The following ZNF516 variants were observed in gnomAD, a reference collection of about 807,000 sequenced individuals.
The protein encoded by ZNF516 is zinc finger protein 516.
In ZNF516, 19 loss-of-function variants were observed where a neutral mutation model predicts 79.7. The ratio of observed to expected loss-of-function variants is 0.24; its 90% CI spans 0.17 to 0.35. The LOEUF (loss-of-function observed/expected upper bound fraction) is 0.35. ZNF516 is among the 10% of genes least tolerant of loss of function. The pLI is 1.00. For missense variants in ZNF516, 1,678 were observed against 1,679.5 expected, an observed-to-expected ratio of 1.00 and a Z score of 0.02; for synonymous variants, 877 against 739.5, an observed-to-expected ratio of 1.19 and a Z score of -3.02.
chr18:76,492,119 G>A (rs1296090559), intron 1 of ZNF516: 1 of 976,412 alleles, frequency 1.0e-6, no homozygotes, highest in African/African-American at 1.8e-5. Context: ...CGGGGAGGTA[G>A]TGGGCACGTG....
rs1194981103 is a variant in ZNF516 at position 76,402,034 on chromosome 18, TGTGCAC to T, written c.1811-21737_1811-21732del. 2.0e-5 allele frequency among the ~76,000 whole-genome samples: 3 copies of T among 152,036 alleles called. No homozygotes were observed. The East Asian group carries it at 5.9e-4, about 30-fold the overall frequency. ...GTTTGTGTGTACACGTGCGCGCATG[TGTGCAC>T]GTGAACGTGACCAGTGGTCTCTGCA... is the stretch of plus-strand genomic sequence containing the variant. On this transcript the variant is annotated intron_variant, in intron 3 of 6. Transcript: ENST00000443185.
chr18:76,435,793 C>G (rs998667643), intron 3 of ZNF516, among the ~76,000 whole-genome samples: 2 of 152,254 alleles, frequency 1.3e-5, no homozygotes, highest in Non-Finnish European at 2.9e-5. Flanking sequence ...CGTGCCAGCT[C>G]TTCCAAAGCC....
At chr18:76,429,130 G>A (rs1040549175) in intron 3 of ZNF516, among the ~76,000 whole-genome samples, 1 of 152,218 alleles carries the variant, frequency 6.6e-6, no homozygotes, top group African/African-American at 2.4e-5. Context: ...CAAGAAGATG[G>A]GTCTGGGGTC....
At chr18:76,401,962 C>A (rs1023909191) in intron 3 of ZNF516, among the ~76,000 whole-genome samples, 2 of 152,220 alleles carry the variant, frequency 1.3e-5, no homozygotes, top group African/African-American at 4.8e-5. Flanking sequence ...AATGACTGCA[C>A]ATGCATGTGC....
rs1423295079 is a variant in ZNF516, at chr18:76,467,662, G to A, written c.-271-4521C>T. 6.6e-6 allele frequency among the ~76,000 whole-genome samples: 1 copy of A among 152,198 alleles called. No homozygotes were observed. The highest frequency in any genetic ancestry group is 1.5e-5 in the Non-Finnish European group (1 of 68,034). On this transcript the variant is annotated intron_variant, in intron 1 of 6. Coordinates refer to ENST00000443185, the MANE Select transcript of ZNF516 (RefSeq NM_014643.4). The surrounding 1 kb of genome is among the most constrained non-coding windows in gnomAD (Gnocchi z 4.2). ...GATCTTGAGAAAGACAACAGCCCCA[G>A]CCCACTCAAAGGCTACACCTCAAAA...
In ZNF516 at chr18:76,379,481, C is replaced by G; in HGVS notation, c.2633G>C (p.Trp878Ser). 1 of 1,613,662 alleles carries G rather than the reference C, an allele frequency of 6.2e-7. No individual in the cohort carries two copies. Among genetic ancestry groups the G allele is most frequent in the South Asian group, 1.1e-5 (1 of 91,080 alleles). The change falls in exon 4 of 7, where the codon TGG becomes TCG. Residue 878 changes from tryptophan (W) to serine (S), a missense_variant. Around this residue, in one of 5 missense-constraint regions of ZNF516, gnomAD observed 1,294 missense variants for 1,248.3 expected, o/e 1.04. Coordinates refer to ENST00000443185, the MANE Select transcript of ZNF516 (RefSeq NM_014643.4). ...ESHSGGPCAL[W>S]APGPDGYRQT... ...TCGATACCCGTCAGGGCCGGGCGCC[C>G]ACAGAGCGCAGGGACCTCCGGAATG...
Position 76,391,654 on chromosome 18 carries a change from G to A in ZNF516, c.1811-11351C>T, listed in dbSNP as rs73978105. On this transcript the variant is annotated intron_variant, in intron 3 of 6. Transcript: ENST00000443185. ...GACTAGGACAGGGGTCCCCAAACAT[G>A]ATGTACTGGCATCCTGGTAGCCTGG... Among the ~76,000 whole-genome samples, 10 of 152,256 alleles carry A rather than the reference G, an allele frequency of 6.6e-5. No individual in the cohort carries two copies. In the East Asian group the frequency reaches 1.7e-3, roughly 26 times the overall value.
In ZNF516 at chr18:76,493,539, T is replaced by C. The variant is rs1294256433; in HGVS notation, c.-272+1605A>G. The C allele has an allele frequency of 6.6e-6, 1 of 152,048 alleles. No homozygotes were observed. Among genetic ancestry groups the C allele is most frequent in the African/African-American group, 2.4e-5 (1 of 41,428 alleles). 9.4% of individuals were successfully genotyped at this position (152,048 alleles called of 1,614,324 possible). ...GTGTTTCCTTAAGAAAGAACTGACC[T>C]ATTTTTGGCTGGAGATAAACGATCA... On this transcript the variant is annotated intron_variant, in intron 1 of 6. Coordinates refer to ENST00000443185, the MANE Select transcript of ZNF516 (RefSeq NM_014643.4). The surrounding 1 kb of genome is among the most constrained non-coding windows in gnomAD (Gnocchi z 5.2).
chr18:76,467,829 AAC>A lies in ZNF516; in HGVS notation c.-271-4690_-271-4689del, dbSNP rs564857842. On this transcript the variant is annotated intron_variant, in intron 1 of 6. Transcript: ENST00000443185. The surrounding 1 kb of genome is among the most constrained non-coding windows in gnomAD (Gnocchi z 4.2). The stretch of plus-strand genomic sequence containing the variant: ...ATAAATTCAAGTCCAGTTATCGAAT[AAC>A]TACATGCATCCCATCCCGCTCAGGG... Among the ~76,000 whole-genome samples the A allele has an allele frequency of 1.0e-3, 158 of 152,358 alleles. No individual in the cohort carries two copies. Among genetic ancestry groups the A allele is most frequent in the Non-Finnish European group, 1.9e-3 (127 of 68,024 alleles).
intron 1 of ZNF516, among the ~76,000 whole-genome samples, chr18:76,486,270 G>A (rs1263549592): frequency 1.2e-4 from 19 of 152,154 alleles, no homozygotes; most frequent in Admixed American, 1.2e-3. Flanking sequence ...ATTCTCGAAT[G>A]CTAAAATAAA....
At chr18:76,423,798 T>A (rs1752333262) in intron 3 of ZNF516, among the ~76,000 whole-genome samples, 2 of 94,936 alleles carry the variant, frequency 2.1e-5, no homozygotes, top group Admixed American at 1.3e-4. Context: ...GGTTCCCCCA[T>A]GAAACACACG....
intron 3 of ZNF516, among the ~76,000 whole-genome samples, chr18:76,408,212 C>T (rs1325893503): frequency 6.6e-6 from 1 of 152,178 alleles, no homozygotes; most frequent in Non-Finnish European, 1.5e-5. Context: ...CTTGCATGAA[C>T]GTTTTTAATC....
At chr18:76,385,554 G>A (rs1390649772) in intron 3 of ZNF516, 2 of 152,240 alleles carry the variant, frequency 1.3e-5, no homozygotes, top group Non-Finnish European at 2.9e-5. Context: ...CGGCTGCTCT[G>A]GGGCTGCCTA....
intron 1 of ZNF516, chr18:76,492,403 A>C (rs1319355812): frequency 2.0e-6 from 2 of 976,188 alleles, no homozygotes; most frequent in East Asian, 2.3e-4. Flanking sequence ...TGTGCGGGTC[A>C]GACGCAGCCA....
At chr18:76,371,325 C>T in intron 5 of ZNF516, 142 bp downstream of exon 5, 1 of 782,188 alleles carries the variant, frequency 1.3e-6, no homozygotes, top group East Asian at 2.7e-5. Context: ...GTATACGATC[C>T]CGGAGGCAGA....
At position 76,360,646 on chromosome 18, in the gene ZNF516, A is replaced by AAAAAT. The variant is rs373540251; in HGVS notation, c.*1851_*1852insATTTT. 1.7e-3 allele frequency: 126 copies of AAAAAT among 72,440 alleles called. 1 individual carries two copies. The highest frequency in any genetic ancestry group is 6.6e-3 in the African/African-American group (108 of 16,356). 4.5% of individuals were successfully genotyped at this position (72,440 alleles called of 1,614,324 possible). ...AAAAAAATAAGTAAAAAAAAAAAAA[A>AAAAAT]ATATATATATATATATATATATATA... is the stretch of plus-strand genomic sequence containing the variant. On this transcript the variant is annotated 3_prime_UTR_variant, in exon 7 of 7. Transcript: ENST00000443185.
chr18:76,392,002 T>A (rs1247336429), intron 3 of ZNF516, among the ~76,000 whole-genome samples: 1 of 152,194 alleles, frequency 6.6e-6, no homozygotes, highest in East Asian at 1.9e-4. Flanking sequence ...CGGTCCTCTC[T>A]GCCGCGGCTC....
chr18:76,472,005 C>T (rs1456972749), intron 1 of ZNF516, among the ~76,000 whole-genome samples: 1 of 152,216 alleles, frequency 6.6e-6, no homozygotes, highest in African/African-American at 2.4e-5. Context: ...AGACTCTAGA[C>T]CTTCCAGCAT....
Position 76,379,338 on chromosome 18 carries a change from T to C in ZNF516, c.2776A>G (p.Ser926Gly). ...GTGGGCGTAGGGGTGGCGCTCCTGC[T>C]GAAGCCCCCGCCACCCGGGGCAGGC... is the stretch of plus-strand genomic sequence containing the variant. ...PVPAPGGGGF[S>G]RSATPTPTVI... is the part of the protein sequence containing the mutation. The change falls in exon 4 of 7, where the codon AGC (serine) becomes GGC (glycine). Residue 926 changes from serine to glycine, a missense_variant. This residue lies in a region of ZNF516 where 1,294 missense variants were observed against 1,248.3 expected (regional missense o/e 1.04). Coordinates refer to ENST00000443185, the MANE Select transcript of ZNF516 (RefSeq NM_014643.4). 6.3e-7 allele frequency: 1 copy of C among 1,594,510 alleles called. No homozygotes were observed. The highest frequency in any genetic ancestry group is 8.5e-7 in the Non-Finnish European group (1 of 1,169,872).
Sources: allele counts gnomAD v4.1 joint callset (sites outside exome capture counted in the v4.1 genomes callset), GRCh38; gene constraint gnomAD v4.1.1; regional missense constraint gnomAD v4.1.1; non-coding constraint Gnocchi (gnomAD v3.1); transcripts MANE v1.5; gene names NCBI Gene and HGNC (gene_info 2026-07-23, HGNC 2026-07-21).